MINDY3: variants seen among roughly 807,000 people sequenced by gnomAD.
MINDY3 encodes the protein MINDY lysine 48 deubiquitinase 3.
In MINDY3, 38 loss-of-function variants were observed where a neutral mutation model predicts 69.2. That is an observed-to-expected ratio of 0.55 (90% CI 0.42 to 0.72). The LOEUF is 0.72. Among genes scored for constraint, MINDY3 ranks in the 30% least tolerant of loss-of-function variants. MINDY3 has a pLI of 0.00. For missense variants in MINDY3, 522 were observed against 519.0 expected (o/e 1.01, Z -0.06); for synonymous variants, 192 against 180.1 (o/e 1.07, Z -0.53).
chr10:15,836,576 C>T (rs186247839), intron 6 of MINDY3, among the ~76,000 whole-genome samples: 5 of 151,650 alleles, frequency 3.3e-5, no homozygotes, highest in African/African-American at 7.3e-5. Context: ...GAGACTAACA[C>T]GTTACTAGAG....
chr10:15,785,103 G>T (rs1429174688), intron 13 of MINDY3, among the ~76,000 whole-genome samples: 1 of 152,022 alleles, frequency 6.6e-6, no homozygotes, highest in Non-Finnish European at 1.5e-5. Flanking sequence ...AGCTCTTGGA[G>T]ATCATACTGA....
chr10:15,846,489 T>C (rs1219086251), intron 2 of MINDY3, among the ~76,000 whole-genome samples: 1 of 152,138 alleles, frequency 6.6e-6, no homozygotes, highest in African/African-American at 2.4e-5. Flanking sequence ...TCACATTCCA[T>C]AATTCCAAGG....
Position 15,859,068 on chromosome 10 carries a change from T to C in MINDY3, c.94+1138A>G, listed in dbSNP as rs117003955. Among the ~76,000 whole-genome samples, 996 of 152,284 alleles carry C rather than the reference T, an allele frequency of 6.5e-3. 5 individuals carry two copies. The highest frequency in any genetic ancestry group is 8.9e-3 in the Non-Finnish European group (604 of 68,014). On this transcript the variant is annotated intron_variant, in intron 1 of 14. Coordinates refer to ENST00000277632, the MANE Select transcript of MINDY3 (RefSeq NM_024948.4). ...ATCGATTTGTGCAACTTTGGCCCAG[T>C]CATTTACCTTTACAACTAATTTTTT...
rs138539735 is a variant in MINDY3, at chr10:15,834,604, T to C, written c.589A>G (p.Ile197Val). ...SVLLTKGIENIKNEIEDASEP... is the reference protein window; with the variant it reads ...SVLLTKGIENVKNEIEDASEP... ...CTTGCATCTTCAATTTCGTTTTTTA[T>C]GTTTTCAATGCCCTAAAGAAACAGA... The change falls in exon 7 of 15, where the codon ATA becomes GTA. Residue 197 changes from isoleucine (I) to valine (V), a missense_variant. Ile to Val is a conservative substitution (Grantham distance 29). Transcript: ENST00000277632. 6.2e-6 allele frequency: 10 copies of C among 1,608,554 alleles called. No homozygotes were observed. In the African/African-American group the frequency reaches 1.2e-4, roughly 19 times the overall value.
intron 8 of MINDY3, among the ~76,000 whole-genome samples, chr10:15,832,452 T>G (rs1832795936): frequency 6.6e-6 from 1 of 152,034 alleles, no homozygotes; most frequent in Non-Finnish European, 1.5e-5. Context: ...ATGAGATTTT[T>G]TTTTTCATTG....
At chr10:15,816,729 TG>T in intron 10 of MINDY3, 105 bp downstream of exon 10, 1 of 757,302 alleles carries the variant, frequency 1.3e-6, no homozygotes. Context: ...ATTCATTTGT[TG>T]TGGGAATAGA....
chr10:15,801,615 T>C (rs990188177), intron 10 of MINDY3, among the ~76,000 whole-genome samples: 9 of 152,066 alleles, frequency 5.9e-5, no homozygotes, highest in Non-Finnish European at 1.0e-4. Flanking sequence ...ATAAGGACCC[T>C]TGAGGCTCAT....
At chr10:15,846,382 C>A (rs1401994689) in intron 2 of MINDY3, among the ~76,000 whole-genome samples, 1 of 152,134 alleles carries the variant, frequency 6.6e-6, no homozygotes, top group East Asian at 1.9e-4. Flanking sequence ...AACAAGGAAT[C>A]TTCAAATTGA....
At position 15,789,298 on chromosome 10, in the gene MINDY3, G is replaced by A. The variant is rs1296974062; in HGVS notation, c.977C>T (p.Ser326Leu). ...DPEDNGFIPD[S>L]LLEDVMKALD... ...TGCTTTCATCACATCTTCCAGAAGTGAATCGGGTATGAATCCATTATCTAG... is the reference window on the plus strand; with the variant it reads ...TGCTTTCATCACATCTTCCAGAAGTAAATCGGGTATGAATCCATTATCTAG... The change falls in exon 12 of 15, where the codon TCA becomes TTA. Residue 326 changes from serine (S) to leucine (L), a missense_variant. Ser to Leu is a moderately radical substitution (Grantham distance 145). Coordinates refer to ENST00000277632, the MANE Select transcript of MINDY3 (RefSeq NM_024948.4). The A allele has an allele frequency of 6.2e-7, 1 of 1,610,974 alleles. No homozygotes were observed. The highest frequency in any genetic ancestry group is 1.3e-5 in the African/African-American group (1 of 74,706).
chr10:15,821,032 T>C (rs1588587033), intron 9 of MINDY3, among the ~76,000 whole-genome samples: 1 of 152,228 alleles, frequency 6.6e-6, no homozygotes, highest in East Asian at 1.9e-4. Context: ...AAGTCAATAA[T>C]GGTTTAAATT....
At chr10:15,847,084 A>C (rs987267867) in intron 2 of MINDY3, among the ~76,000 whole-genome samples, 5 of 152,186 alleles carry the variant, frequency 3.3e-5, no homozygotes, top group African/African-American at 1.2e-4. Context: ...TATTTTCAAA[A>C]CACGATGGTT....
chr10:15,794,913 T>A (rs1837694571), intron 11 of MINDY3, among the ~76,000 whole-genome samples: 1 of 152,104 alleles, frequency 6.6e-6, no homozygotes, highest in African/African-American at 2.4e-5. Context: ...GAAGGCATTT[T>A]TTCATGCCTT....
chr10:15,828,659 A>G (rs954952522), intron 8 of MINDY3, among the ~76,000 whole-genome samples: 35 of 152,160 alleles, frequency 2.3e-4, no homozygotes, highest in African/African-American at 8.2e-4. Flanking sequence ...GTATACTTAT[A>G]TAAGGAAAGA....
chr10:15,796,322 A>C (rs1209414042), intron 10 of MINDY3, 150 bp from the exon 11 acceptor site: 4 of 632,668 alleles, frequency 6.3e-6, no homozygotes, highest in Non-Finnish European at 1.1e-5. Flanking sequence ...ATAGGTCATA[A>C]ACTCTCCAGG....
At chr10:15,824,186 T>G (rs1190298175) in intron 8 of MINDY3, among the ~76,000 whole-genome samples, 2 of 152,160 alleles carry the variant, frequency 1.3e-5, no homozygotes, top group African/African-American at 4.8e-5. Flanking sequence ...TATTTTTAGT[T>G]TTTTGAGAAA....
intron 10 of MINDY3, among the ~76,000 whole-genome samples, chr10:15,806,295 G>A (rs1838634666): frequency 6.6e-6 from 1 of 152,070 alleles, no homozygotes; most frequent in African/African-American, 2.4e-5. Flanking sequence ...AATGTAAGCT[G>A]CACATGGAGG....
chr10:15,840,771 T>G (rs144807839), intron 4 of MINDY3, among the ~76,000 whole-genome samples: 1 of 151,686 alleles, frequency 6.6e-6, no homozygotes, highest in South Asian at 2.1e-4. Flanking sequence ...TGTCTCCATT[T>G]CACACTGGCA....
chr10:15,786,727 T>C (rs1836999281), intron 12 of MINDY3, 79 bp from the exon 13 acceptor site: 1 of 822,728 alleles, frequency 1.2e-6, no homozygotes, highest in Admixed American at 2.2e-5. Context: ...AAATTACTGG[T>C]ACTACAACAC....
At position 15,779,254 on chromosome 10, in the gene MINDY3, A is replaced by G. The variant is rs370049806; in HGVS notation, c.1189-113T>C. 3.5e-5 allele frequency: 27 copies of G among 771,178 alleles called. No homozygotes were observed. In the African/African-American group the frequency reaches 3.9e-4, roughly 11 times the overall value. 47.8% of individuals were successfully genotyped at this position (771,178 alleles called of 1,614,324 possible). The stretch of plus-strand genomic sequence containing the variant: ...ATAAGGTATTACATAGTTTCAGATG[A>G]AACTTGACATGTAATTTTATTTTGC... On this transcript the variant is annotated intron_variant, in intron 14 of 14. Transcript: ENST00000277632.
Sources: gnomAD v4.1 joint callset for allele counts (sites outside exome capture counted in the v4.1 genomes callset) on GRCh38, gnomAD v4.1.1 for gene constraint, MANE v1.5 for transcripts, NCBI Gene and HGNC (gene_info 2026-07-23, HGNC 2026-07-21) for gene names.